EPB41: variants seen among roughly 807,000 people sequenced by gnomAD.
EPB41 encodes protein 4.1.
EPB41 carries 65 observed loss-of-function variants against 108.0 expected under a neutral mutation model. The observed-to-expected ratio is 0.60, with a 90% confidence interval of 0.49 to 0.74. The LOEUF (loss-of-function observed/expected upper bound fraction) is 0.74. Ranked by LOEUF, EPB41 falls within the 30% of genes least tolerant of loss-of-function variation. EPB41 has a pLI of 0.00. For missense variants in EPB41, 875 were observed against 1,037.0 expected (o/e 0.84, Z 2.15); for synonymous variants, 336 against 358.9 (o/e 0.94, Z 0.72).
intron 8 of EPB41, among the ~76,000 whole-genome samples, chr1:29,031,231 G>A (rs2096785998): frequency 1.3e-5 from 2 of 152,100 alleles, no homozygotes; most frequent in Non-Finnish European, 2.9e-5. Flanking sequence ...TCAAAAGATA[G>A]CCCCTAGAGA....
chr1:29,039,353 T>A lies in EPB41; in HGVS notation c.1563T>A (p.Ser521Arg), dbSNP rs369713323. The A allele has an allele frequency of 6.2e-7, 1 of 1,614,192 alleles. No homozygotes were observed. The change falls in exon 11 of 21, where the codon AGT becomes AGA. Residue 521 changes from serine (S) to arginine (R), a missense_variant. By Grantham distance (110) the Ser-to-Arg change is moderately radical. Coordinates refer to ENST00000343067, the MANE Select transcript of EPB41 (RefSeq NM_001376013.1). Reference sequence around the variant, plus strand: ...CTCAAGCTCAGACCAGGCAAGCTAGTGCTCTAATTGACAGGCCTGCCCCAC... The same window carrying A: ...CTCAAGCTCAGACCAGGCAAGCTAGAGCTCTAATTGACAGGCCTGCCCCAC... ...GRTQAQTRQA[S>R]ALIDRPAPHF...
At chr1:29,000,724 A>T (rs2096278188) in intron 4 of EPB41, among the ~76,000 whole-genome samples, 1 of 152,190 alleles carries the variant, frequency 6.6e-6, no homozygotes, top group South Asian at 2.1e-4. Context: ...TTCTTATAGG[A>T]CATCCAGCGG....
At chr1:29,022,790 T>G (rs1016580158) in intron 7 of EPB41, among the ~76,000 whole-genome samples, 5 of 152,022 alleles carry the variant, frequency 3.3e-5, no homozygotes, top group Non-Finnish European at 7.4e-5. Flanking sequence ...CTGTGTGAGA[T>G]CAGATTTCTT....
At chr1:29,090,711 T>C (rs927650629) in intron 16 of EPB41, among the ~76,000 whole-genome samples, 1 of 152,064 alleles carries the variant, frequency 6.6e-6, no homozygotes, top group Non-Finnish European at 1.5e-5. Context: ...CATCGCGCCA[T>C]TGCACTCCAA....
At chr1:28,982,440 C>T (rs1287878967) in intron 1 of EPB41, 3 of 758,300 alleles carry the variant, frequency 4.0e-6, no homozygotes, top group Non-Finnish European at 7.4e-6. Context: ...TCTTCTTGCC[C>T]ATGGCAGCTG....
At chr1:29,044,221 A>G (rs1475469357) in intron 11 of EPB41, among the ~76,000 whole-genome samples, 1 of 152,226 alleles carries the variant, frequency 6.6e-6, no homozygotes, top group Non-Finnish European at 1.5e-5. Flanking sequence ...TGGAAAGTTT[A>G]AGTGACTTGT....
At chr1:29,006,116 A>G (rs1388454109) in intron 4 of EPB41, among the ~76,000 whole-genome samples, 4 of 152,134 alleles carry the variant, frequency 2.6e-5, no homozygotes, top group Non-Finnish European at 1.5e-5. Context: ...CCTTTCTTCT[A>G]TGCTGTAACC....
intron 11 of EPB41, among the ~76,000 whole-genome samples, chr1:29,051,170 C>T (rs1435513500): frequency 7.4e-6 from 1 of 134,854 alleles, no homozygotes; most frequent in African/African-American, 2.8e-5. Context: ...ACGATCTCAG[C>T]TCACTGCAAC....
intron 16 of EPB41, among the ~76,000 whole-genome samples, chr1:29,080,748 G>T (rs1188275540): frequency 6.6e-6 from 1 of 152,140 alleles, no homozygotes; most frequent in Non-Finnish European, 1.5e-5. Context: ...CCCTTGGCCA[G>T]GCTCCTTTTG....
At chr1:28,928,888 A>G (rs2093593361) in intron 1 of EPB41, among the ~76,000 whole-genome samples, 1 of 152,220 alleles carries the variant, frequency 6.6e-6, no homozygotes, top group Non-Finnish European at 1.5e-5. Flanking sequence ...GGAACAGTGC[A>G]ATACAGTCAA....
At chr1:29,040,533 G>A (rs964783954) in intron 11 of EPB41, among the ~76,000 whole-genome samples, 1 of 151,930 alleles carries the variant, frequency 6.6e-6, no homozygotes, top group Non-Finnish European at 1.5e-5. Context: ...TACCCACCTC[G>A]GCCTCCCAAA....
At chr1:28,903,656 A>T (rs1464850891) in intron 1 of EPB41, among the ~76,000 whole-genome samples, 1 of 152,042 alleles carries the variant, frequency 6.6e-6, no homozygotes, top group Admixed American at 6.6e-5. Context: ...AATGGAAATT[A>T]TAGTCATATC....
rs1570038927 is a variant in EPB41 at position 28,897,534 on chromosome 1, G to A, written c.-8+10324G>A. Among the ~76,000 whole-genome samples, 6 of 150,660 alleles carry A rather than the reference G, an allele frequency of 4.0e-5. No homozygotes were observed. The South Asian group carries it at 1.3e-3, about 32-fold the overall frequency. On this transcript the variant is annotated intron_variant, in intron 1 of 16. Transcript: ENST00000347529. Reference sequence around the variant, plus strand: ...ATTATGCTCCAGCCTGGGTGACAAAGTGAAACCCCTGTAGGTAGGTAGGTA... The same window carrying A: ...ATTATGCTCCAGCCTGGGTGACAAAATGAAACCCCTGTAGGTAGGTAGGTA...
intron 4 of EPB41, among the ~76,000 whole-genome samples, chr1:28,998,270 G>A (rs1049516445): frequency 6.6e-6 from 1 of 152,150 alleles, no homozygotes; most frequent in Non-Finnish European, 1.5e-5. Context: ...GTAAGACCTG[G>A]AGTTGAGAGA....
At chr1:29,007,745 A>G (rs921979062) in intron 4 of EPB41, among the ~76,000 whole-genome samples, 8 of 152,138 alleles carry the variant, frequency 5.3e-5, no homozygotes, top group African/African-American at 1.9e-4. Flanking sequence ...TCACCACTAT[A>G]GTCTCTTCTC....
intron 1 of EPB41, among the ~76,000 whole-genome samples, chr1:28,899,804 G>A (rs114318643): frequency 4.7e-4 from 72 of 152,284 alleles, no homozygotes; most frequent in African/African-American, 1.7e-3. Flanking sequence ...GGGATGGATT[G>A]AGGTCAGAGG....
intron 4 of EPB41, among the ~76,000 whole-genome samples, chr1:28,998,290 C>A (rs746731708): frequency 8.6e-5 from 13 of 152,022 alleles, no homozygotes; most frequent in Non-Finnish European, 1.5e-4. Context: ...ACTGACAGTT[C>A]AGGAACTGAA....
intron 18 of EPB41, among the ~76,000 whole-genome samples, chr1:29,111,716 C>T (rs1324051362): frequency 1.3e-5 from 2 of 151,950 alleles, no homozygotes; most frequent in African/African-American, 4.8e-5. Context: ...TGGTGGCTCA[C>T]GCCTGTAATC....
At chr1:28,929,390 T>C (rs1367695405) in intron 1 of EPB41, among the ~76,000 whole-genome samples, 1 of 151,314 alleles carries the variant, frequency 6.6e-6, no homozygotes, top group Non-Finnish European at 1.5e-5. Flanking sequence ...CGTGCCCGGC[T>C]AATTTTTTGT....
Sources: allele counts gnomAD v4.1 joint callset (sites outside exome capture counted in the v4.1 genomes callset), GRCh38; gene constraint gnomAD v4.1.1; transcripts MANE v1.5; gene names NCBI Gene and HGNC (gene_info 2026-07-23, HGNC 2026-07-21).